The following SCARA5 variants were observed in gnomAD, a reference collection of about 807,000 sequenced individuals.
SCARA5 encodes scavenger receptor class A member 5, also known as scavenger receptor class A, member 5 (putative).
A neutral mutation model predicts 46.3 loss-of-function variants in SCARA5; 45 were observed. The observed-to-expected ratio is 0.97, with a 90% CI of 0.76 to 1.24. SCARA5 has a LOEUF of 1.24. SCARA5 is among the 50% of genes most tolerant of loss of function. The probability of loss-of-function intolerance (pLI) is 0.00; values close to 1 mark genes in which losing one functional copy is unlikely to be tolerated. For missense variants in SCARA5, 680 were observed against 689.0 expected (o/e 0.99, Z 0.15); for synonymous variants, 333 against 306.5 (o/e 1.09, Z -0.90).
At chr8:27,875,223 A>C (rs1296500553) in intron 8 of SCARA5, among the ~76,000 whole-genome samples, 48 of 87,872 alleles carry the variant, frequency 5.5e-4, no homozygotes, top group East Asian at 8.7e-4. Context: ...CCCTCTCTTC[A>C]CTCCTCCCTC....
chr8:27,987,729 G>A, intron 1 of SCARA5, 99 bp from the exon 2 acceptor site: 1 of 717,472 alleles, frequency 1.4e-6, no homozygotes, highest in South Asian at 1.6e-5. Context: ...GATAGAACAA[G>A]GTGCCCACCC....
intron 1 of SCARA5, among the ~76,000 whole-genome samples, chr8:27,991,039 G>A (rs562467560): frequency 6.6e-6 from 1 of 152,348 alleles, no homozygotes; most frequent in East Asian, 1.9e-4. Context: ...GCAGCCCTGT[G>A]CCCTGGGGCC....
chr8:27,883,077 C>T (rs970552385), intron 7 of SCARA5, among the ~76,000 whole-genome samples: 5 of 152,228 alleles, frequency 3.3e-5, no homozygotes, highest in Non-Finnish European at 5.9e-5. Flanking sequence ...TCTGTTCCCC[C>T]TTCTCTGAGG....
At chr8:27,902,648 T>C (rs1024100737) in intron 7 of SCARA5, among the ~76,000 whole-genome samples, 6 of 151,998 alleles carry the variant, frequency 3.9e-5, no homozygotes, top group Non-Finnish European at 5.9e-5. Context: ...CCATCAGGAG[T>C]TGTTTATTTC....
chr8:27,987,225 C>T (rs1808718268), intron 2 of SCARA5, among the ~76,000 whole-genome samples: 5 of 152,226 alleles, frequency 3.3e-5, no homozygotes, highest in South Asian at 4.1e-4. Context: ...GCATGGCCCT[C>T]GGAGTCAGGA....
At chr8:27,874,747 G>T (rs994892641) in intron 8 of SCARA5, among the ~76,000 whole-genome samples, 2 of 152,188 alleles carry the variant, frequency 1.3e-5, no homozygotes. Context: ...AATTTTGTCT[G>T]CCTGTTCCCA....
At chr8:27,978,867 C>T (rs756119004) in intron 2 of SCARA5, among the ~76,000 whole-genome samples, 2 of 152,074 alleles carry the variant, frequency 1.3e-5, no homozygotes, top group Non-Finnish European at 2.9e-5. Flanking sequence ...CAGCCTCCCA[C>T]AGACCATGCA....
intron 3 of SCARA5, among the ~76,000 whole-genome samples, chr8:27,961,531 A>G (rs375864713): frequency 6.6e-6 from 1 of 152,180 alleles, no homozygotes; most frequent in African/African-American, 2.4e-5. Flanking sequence ...CTTTTTAGCA[A>G]TGCAAAACAG....
At chr8:27,905,892 G>A (rs1040944136) in intron 6 of SCARA5, among the ~76,000 whole-genome samples, 1 of 151,900 alleles carries the variant, frequency 6.6e-6, no homozygotes, top group African/African-American at 2.4e-5. Context: ...TGTATTTTTG[G>A]TAGAGATGGG....
At chr8:27,895,760 C>A (rs546423124) in intron 7 of SCARA5, among the ~76,000 whole-genome samples, 1 of 152,302 alleles carries the variant, frequency 6.6e-6, no homozygotes, top group African/African-American at 2.4e-5. Context: ...AGCAACAGAA[C>A]TATCTCCCGC....
intron 7 of SCARA5, among the ~76,000 whole-genome samples, chr8:27,895,371 C>T (rs1161077808): frequency 6.6e-6 from 1 of 152,194 alleles, no homozygotes; most frequent in African/African-American, 2.4e-5. Flanking sequence ...ATGGGAAGGA[C>T]AGGGGCCATC....
chr8:27,962,341 G>A (rs373438964), intron 3 of SCARA5, among the ~76,000 whole-genome samples: 21 of 152,242 alleles, frequency 1.4e-4, no homozygotes, highest in African/African-American at 4.8e-4. Context: ...CAAATTCCTC[G>A]AGGAACACAT....
At chr8:27,938,169 A>T (rs1807886940) in intron 3 of SCARA5, among the ~76,000 whole-genome samples, 1 of 152,184 alleles carries the variant, frequency 6.6e-6, no homozygotes, top group South Asian at 2.1e-4. Context: ...GGGTGCTTCT[A>T]GAACCAAGCG....
chr8:27,887,715 G>A (rs996487033), intron 7 of SCARA5, among the ~76,000 whole-genome samples: 7 of 152,138 alleles, frequency 4.6e-5, no homozygotes, highest in African/African-American at 1.7e-4. Context: ...CCAGAACTGG[G>A]GACCACAAGC....
intron 8 of SCARA5, among the ~76,000 whole-genome samples, chr8:27,872,738 C>T (rs1806660373): frequency 6.6e-6 from 1 of 152,228 alleles, no homozygotes. Context: ...GAAAAGGCTG[C>T]AAGCCCCAGG....
In SCARA5 at chr8:27,921,598, C is replaced by T. The variant is rs765347213; in HGVS notation, c.889G>A (p.Ala297Thr). ...LRLKDWEHSI[A>T]LRNISLAKGP... ...TTCGCGAGGGAGATGTTCCGCAGTG[C>T]GATGGAGTGCTCCCAGTCCTTGAGG... Residue 297 changes from alanine to threonine, a missense_variant, in exon 4 of 9, where the codon GCA (alanine) becomes ACA (threonine). Coordinates refer to ENST00000354914, the MANE Select transcript of SCARA5 (RefSeq NM_173833.6). The T allele has an allele frequency of 9.5e-6, 15 of 1,581,074 alleles. No individual in the cohort carries two copies. The highest frequency in any genetic ancestry group is 2.7e-5 in the African/African-American group (2 of 73,216).
intron 3 of SCARA5, among the ~76,000 whole-genome samples, chr8:27,965,478 C>A (rs1007198252): frequency 1.6e-4 from 24 of 152,184 alleles, no homozygotes; most frequent in African/African-American, 5.8e-4. Flanking sequence ...TTGGGCTACA[C>A]CCCATCACAG....
Position 27,909,753 on chromosome 8 carries a change from C to T in SCARA5, c.917-10G>A. On this transcript the variant is annotated splice_polypyrimidine_tract_variant and intron_variant, in intron 4 of 8. Coordinates refer to ENST00000354914, the MANE Select transcript of SCARA5 (RefSeq NM_173833.6). ...TTGGGTCCCGGTGGCCCTGGAAAGG[C>T]AAAAACAGCACTGAGGTTAGGGGGC... 1.3e-6 allele frequency: 2 copies of T among 1,544,990 alleles called. No homozygotes were observed. The highest frequency in any genetic ancestry group is 1.8e-6 in the Non-Finnish European group (2 of 1,141,560).
rs1039146850 is a variant in SCARA5 at position 27,870,438 on chromosome 8, C to T, written c.*1496G>A. On this transcript the variant is annotated 3_prime_UTR_variant, in exon 9 of 9. Coordinates refer to ENST00000354914, the MANE Select transcript of SCARA5 (RefSeq NM_173833.6). The stretch of plus-strand genomic sequence containing the variant: ...TATTGGAAGCAAGAATGACCTAGGG[C>T]CATATTGGCTTAGTTGTCAGCCAGG... 1 of 152,456 alleles carries T rather than the reference C, an allele frequency of 6.6e-6. No individual in the cohort carries two copies. Among genetic ancestry groups the T allele is most frequent in the African/African-American group, 2.4e-5 (1 of 41,364 alleles). The allele number at this position is 152,456 out of a possible 1,614,324, so 9.4% of individuals were successfully genotyped here. A position where few individuals can be genotyped will look rare whatever the true frequency, so the allele number is the denominator to read the frequency against.
Sources: allele counts gnomAD v4.1 joint callset (sites outside exome capture counted in the v4.1 genomes callset), GRCh38; gene constraint gnomAD v4.1.1; transcripts MANE v1.5; gene names NCBI Gene and HGNC (gene_info 2026-07-23, HGNC 2026-07-21).